Variants in BMP2K observed in about 807,000 individuals in gnomAD.
The protein encoded by BMP2K is BMP-2-inducible protein kinase.
A neutral mutation model predicts 116.0 loss-of-function variants in BMP2K; 74 were observed. That is an observed-to-expected ratio of 0.64 (90% CI 0.53 to 0.77). BMP2K has a LOEUF of 0.77. BMP2K is among the 30% of genes least tolerant of loss of function. The pLI is 0.00. For missense variants in BMP2K, 1,365 were observed against 1,403.6 expected, an observed-to-expected ratio of 0.97 and a Z score of 0.44; for synonymous variants, 486 against 502.5, an observed-to-expected ratio of 0.97 and a Z score of 0.44.
intron 15 of BMP2K, among the ~76,000 whole-genome samples, chr4:78,894,023 C>A (rs1577967744): frequency 1.3e-5 from 2 of 152,088 alleles, no homozygotes; most frequent in African/African-American, 4.8e-5. Flanking sequence ...TGAAAGGAAT[C>A]TTCTTTTCTG....
chr4:78,845,405 T>G (rs1001371228), intron 5 of BMP2K, among the ~76,000 whole-genome samples: 22 of 151,796 alleles, frequency 1.4e-4, no homozygotes, highest in Middle Eastern at 6.8e-3. Context: ...TTAAATTATT[T>G]GAAAACATTT....
chr4:78,872,815 T>G lies in BMP2K; in HGVS notation c.1793+17T>G. On this transcript the variant is annotated intron_variant, in intron 13 of 15. Coordinates refer to ENST00000502613, the MANE Select transcript of BMP2K (RefSeq NM_198892.2). ...TGCCAATAGGCAAGTATTTTTCCAG[T>G]GAAAGCAAAGGAAATTATTGTGGAA... 1 of 1,606,128 alleles carries G rather than the reference T, an allele frequency of 6.2e-7. No individual in the cohort carries two copies. Among genetic ancestry groups the G allele is most frequent in the East Asian group, 2.2e-5 (1 of 44,812 alleles).
chr4:78,916,333 A>C lies in BMP2K; in HGVS notation c.*4300A>C, dbSNP rs1366349996. 1 of 152,002 alleles carries C rather than the reference A, an allele frequency of 6.6e-6. No individual in the cohort carries two copies. The highest frequency in any genetic ancestry group is 1.9e-4 in the East Asian group (1 of 5,204). The allele number at this position is 152,002 out of a possible 1,614,324, so 9.4% of individuals were successfully genotyped here. On this transcript the variant is annotated 3_prime_UTR_variant, in exon 16 of 16. Transcript: ENST00000502613. ...TTTTAATCTGTTTTCTTTAAATGCA[A>C]TAAATCCCAAATGGATTGCATATTC...
At chr4:78,828,518 C>G (rs1201012053) in intron 2 of BMP2K, among the ~76,000 whole-genome samples, 1 of 152,030 alleles carries the variant, frequency 6.6e-6, no homozygotes, top group East Asian at 1.9e-4. Context: ...GTTTTAAGAC[C>G]CACAATCAGA....
intron 1 of BMP2K, among the ~76,000 whole-genome samples, chr4:78,796,734 T>C (rs149796974): frequency 2.0e-5 from 3 of 152,258 alleles, no homozygotes; most frequent in South Asian, 4.1e-4. Flanking sequence ...AAGGAAGTTG[T>C]GTAACGGATG....
chr4:78,788,305 G>A (rs1258822736), intron 1 of BMP2K, among the ~76,000 whole-genome samples: 8 of 151,882 alleles, frequency 5.3e-5, no homozygotes, highest in Non-Finnish European at 8.8e-5. Context: ...GCTTTTGATG[G>A]TGTCTTCTAT....
chr4:78,842,545 C>A lies in BMP2K; in HGVS notation c.546+18C>A, dbSNP rs751741371. On this transcript the variant is annotated intron_variant, in intron 4 of 15. Transcript: ENST00000502613. ...ATCTGAAGGTAAGAACTTTAGAATTCCTATGGATTAAGTAATAAGTTGGAG... is the reference window on the plus strand; with the variant it reads ...ATCTGAAGGTAAGAACTTTAGAATTACTATGGATTAAGTAATAAGTTGGAG... 1 of 1,542,348 alleles carries A rather than the reference C, an allele frequency of 6.5e-7. No homozygotes were observed. Among genetic ancestry groups the A allele is most frequent in the Non-Finnish European group, 8.8e-7 (1 of 1,131,976 alleles).
chr4:78,869,404 G>C (rs1732222010), intron 10 of BMP2K, among the ~76,000 whole-genome samples: 1 of 152,102 alleles, frequency 6.6e-6, no homozygotes, highest in Admixed American at 6.5e-5. Flanking sequence ...GAGATTTACT[G>C]AAGGATATAA....
chr4:78,776,805 G>A (rs1240909621), intron 1 of BMP2K, 84 bp downstream of exon 1: 1 of 1,146,596 alleles, frequency 8.7e-7, no homozygotes, highest in Non-Finnish European at 1.1e-6. Context: ...TCGCCCTCCG[G>A]ACTGACTCTT....
intron 1 of BMP2K, among the ~76,000 whole-genome samples, chr4:78,814,388 T>A (rs75349253): frequency 6.6e-6 from 1 of 152,322 alleles, no homozygotes; most frequent in Non-Finnish European, 1.5e-5. Flanking sequence ...CCTGTTGATA[T>A]GGTTTGACTG....
intron 6 of BMP2K, among the ~76,000 whole-genome samples, chr4:78,848,037 A>T (rs1217574590): frequency 6.6e-6 from 1 of 151,612 alleles, no homozygotes; most frequent in African/African-American, 2.4e-5. Context: ...ATGTACAGAA[A>T]ATTGTCAGGC....
At chr4:78,805,862 T>C (rs1218835446) in intron 1 of BMP2K, among the ~76,000 whole-genome samples, 2 of 152,022 alleles carry the variant, frequency 1.3e-5, no homozygotes, top group East Asian at 1.9e-4. Flanking sequence ...TTCCAGCTAA[T>C]TGGGAGGCTG....
rs750937153 is a variant in BMP2K, at chr4:78,859,687, T to C, written c.987T>C (p.Asn329=). The change falls in exon 8 of 16, where the codon AAT becomes AAC. Residue 329 remains asparagine (N), a splice_region_variant and synonymous_variant. Coordinates refer to ENST00000502613, the MANE Select transcript of BMP2K (RefSeq NM_198892.2). The part of the protein sequence containing the change: ...AKKDCPVSNI[N]NSSIPSALPE... ...AGGATTGTCCAGTCTCCAACATCAA[T>C]GTAAGTAGATTTTCAAGTAGGATAT... The C allele has an allele frequency of 6.4e-7, 1 of 1,556,988 alleles. No homozygotes were observed. Among genetic ancestry groups the C allele is most frequent in the Non-Finnish European group, 8.8e-7 (1 of 1,132,846 alleles).
At chr4:78,837,179 A>G (rs1224723607) in intron 3 of BMP2K, among the ~76,000 whole-genome samples, 1 of 149,554 alleles carries the variant, frequency 6.7e-6, no homozygotes, top group African/African-American at 2.5e-5. Context: ...ATTATTTTTA[A>G]TTTCCAAGGA....
intron 15 of BMP2K, among the ~76,000 whole-genome samples, chr4:78,904,807 A>G (rs961624735): frequency 6.6e-6 from 1 of 151,968 alleles, no homozygotes; most frequent in Non-Finnish European, 1.5e-5. Flanking sequence ...ATTATTAATT[A>G]TGGCTCAATA....
intron 6 of BMP2K, among the ~76,000 whole-genome samples, chr4:78,850,209 T>C (rs1731180080): frequency 6.6e-6 from 1 of 151,824 alleles, no homozygotes; most frequent in Non-Finnish European, 1.5e-5. Flanking sequence ...AAATTTCCTG[T>C]GCTACTTTTA....
At chr4:78,854,274 A>AT (rs1553917841) in intron 7 of BMP2K, among the ~76,000 whole-genome samples, 2 of 136,838 alleles carry the variant, frequency 1.5e-5, no homozygotes, top group African/African-American at 2.7e-5. Context: ...TATTATTATT[A>AT]TTATTTATTT....
intron 1 of BMP2K, among the ~76,000 whole-genome samples, chr4:78,786,142 C>T (rs1392204445): frequency 6.6e-6 from 1 of 152,128 alleles, no homozygotes; most frequent in African/African-American, 2.4e-5. Context: ...ATGTTGAAAT[C>T]CCAACGCCCA....
At chr4:78,780,076 C>A (rs1455567235) in intron 1 of BMP2K, among the ~76,000 whole-genome samples, 1 of 152,132 alleles carries the variant, frequency 6.6e-6, no homozygotes, top group Non-Finnish European at 1.5e-5. Flanking sequence ...TTTACTAAAA[C>A]CTGGGGTTGG....
Sources: gnomAD v4.1 joint callset for allele counts (sites outside exome capture counted in the v4.1 genomes callset) on GRCh38, gnomAD v4.1.1 for gene constraint, MANE v1.5 for transcripts, NCBI Gene and HGNC (gene_info 2026-07-23, HGNC 2026-07-21) for gene names.